Variants in FUT1 observed in about 807,000 individuals in gnomAD.
FUT1 encodes galactoside alpha-(1,2)-fucosyltransferase 1.
For missense variants in FUT1, 476 were observed against 492.7 expected (o/e 0.97, Z 0.32); for synonymous variants, 215 against 208.7 (o/e 1.03, Z -0.26).
chr19:48,748,812 T>A lies in FUT1; in HGVS notation c.*1372A>T, dbSNP rs1367805484. On this transcript the variant is annotated 3_prime_UTR_variant, in exon 2 of 2. Transcript: ENST00000645652. ...TTTTCCATCTCAATTTTTCCAGCAA[T>A]GGTGGAACATTCATTAGATGCTACA... The A allele has an allele frequency of 6.6e-6, 1 of 152,072 alleles. No homozygotes were observed. The highest frequency in any genetic ancestry group is 1.5e-5 in the Non-Finnish European group (1 of 68,004). The allele number at this position is 152,072 out of a possible 1,614,324, so 9.4% of individuals were successfully genotyped here.
intron 1 of FUT1, among the ~76,000 whole-genome samples, chr19:48,751,909 C>A (rs1478007439): frequency 6.6e-6 from 1 of 151,702 alleles, no homozygotes; most frequent in Non-Finnish European, 1.5e-5. Context: ...TGAGATCATG[C>A]CATTACACTC....
At chr19:48,751,685 C>T (rs910604959) in intron 1 of FUT1, among the ~76,000 whole-genome samples, 2 of 151,992 alleles carry the variant, frequency 1.3e-5, no homozygotes, top group East Asian at 2.0e-4. Context: ...GGCGCGGTGG[C>T]TCACACCTGT....
At chr19:48,754,062 T>C (rs1405129463), upstream of FUT1, among the ~76,000 whole-genome samples, 1 of 151,620 alleles carries the variant, frequency 6.6e-6, no homozygotes, top group African/African-American at 2.4e-5. Flanking sequence ...GGAGGGCGCC[T>C]GTAGTCCTAG....
Position 48,749,333 on chromosome 19 carries a change from G to A in FUT1, c.*851C>T, listed in dbSNP as rs2033958856. 6.7e-6 allele frequency: 1 copy of A among 149,772 alleles called. No individual in the cohort carries two copies. The highest frequency in any genetic ancestry group is 2.1e-4 in the South Asian group (1 of 4,712). The allele number at this position is 149,772 out of a possible 1,614,324, so 9.3% of individuals were successfully genotyped here. On this transcript the variant is annotated 3_prime_UTR_variant, in exon 2 of 2. Transcript: ENST00000645652. Reference sequence around the variant, plus strand: ...ATAAATAATTAAAAAAAAAATATCCGGGCTGGGCACAGTGGCTCATGCCAG... The same window carrying A: ...ATAAATAATTAAAAAAAAAATATCCAGGCTGGGCACAGTGGCTCATGCCAG...
In FUT1 at chr19:48,750,434, C is replaced by G. The variant is rs1385070623; in HGVS notation, c.848G>C (p.Gly283Ala). 6.2e-7 allele frequency: 1 copy of G among 1,614,268 alleles called. No individual in the cohort carries two copies. Among genetic ancestry groups the G allele is most frequent in the South Asian group, 1.1e-5 (1 of 91,090 alleles). The change falls in exon 2 of 2, where the codon GGC becomes GCC. Residue 283 changes from glycine (G) to alanine (A), a missense_variant. Physicochemically the swap from Gly to Ala is moderately conservative, Grantham distance 60 (BLOSUM62 0). Transcript: ENST00000645652. ...DTSQGDVTFA[G>A]DGQEATPWKD... ...CCACGGTGTAGCCTCCTGTCCATCG[C>G]CAGCAAACGTCACATCGCCCTGGGA...
chr19:48,750,988 C>A lies in FUT1; in HGVS notation c.294G>T (p.Thr98=). Residue 98 remains threonine, a synonymous_variant, in exon 2 of 2, where the codon ACG becomes ACT. Transcript: ENST00000645652. ...CGTTGAGCTGGGCCAGAGCCAGCAG[C>A]GTGGCATACTGTCCCATCTGATTAC... ...RFGNQMGQYA[T]LLALAQLNGR... 1 of 1,595,658 alleles carries A rather than the reference C, an allele frequency of 6.3e-7. No individual in the cohort carries two copies. Among genetic ancestry groups the A allele is most frequent in the South Asian group, 1.1e-5 (1 of 87,852 alleles).
At chr19:48,755,104 AG>A (rs1568492493), upstream of FUT1, among the ~76,000 whole-genome samples, 1 of 120,102 alleles carries the variant, frequency 8.3e-6, no homozygotes, top group Non-Finnish European at 1.8e-5. Context: ...CCAGGAGTCC[AG>A]ACCAAAGCTC....
At chr19:48,754,120 A>G (rs2034049785), upstream of FUT1, among the ~76,000 whole-genome samples, 1 of 149,628 alleles carries the variant, frequency 6.7e-6, no homozygotes, top group South Asian at 2.1e-4. Flanking sequence ...CAGGAGGCGG[A>G]GATTGCAGTG....
Position 48,750,215 on chromosome 19 carries a change from A to G in FUT1, c.1067T>C (p.Leu356Ser), listed in dbSNP as rs759112153. The G allele has an allele frequency of 2.5e-6, 4 of 1,611,518 alleles. No individual in the cohort carries two copies. The highest frequency in any genetic ancestry group is 3.4e-6 in the Non-Finnish European group (4 of 1,178,878). The change falls in exon 2 of 2, where the codon TTG becomes TCG. Residue 356 changes from leucine (L) to serine (S), a missense_variant. Leu to Ser is a moderately radical substitution (Grantham distance 145). Transcript: ENST00000645652. Reference protein sequence around the residue: ...LPEWVGINADLSPLWTLAKP With the variant: ...LPEWVGINADSSPLWTLAKP ...CTTAGCCAATGTCCAGAGTGGAGACAAGTCTGCATTAATGCCCACCCACTC... is the reference window on the plus strand; with the variant it reads ...CTTAGCCAATGTCCAGAGTGGAGACGAGTCTGCATTAATGCCCACCCACTC...
In FUT1 at chr19:48,750,591, G is replaced by T; in HGVS notation, c.691C>A (p.Arg231Ser). 6.2e-7 allele frequency: 1 copy of T among 1,611,220 alleles called. No homozygotes were observed. The highest frequency in any genetic ancestry group is 8.5e-7 in the Non-Finnish European group (1 of 1,180,004). The change falls in exon 2 of 2, where the codon CGC (arginine) becomes AGC (serine). Residue 231 changes from arginine to serine, a missense_variant. Arg to Ser is a moderately radical substitution (Grantham distance 110). Coordinates refer to ENST00000645652, the MANE Select transcript of FUT1 (RefSeq NM_001384359.1). ...CTGTCGCCCACCACACCCTTCCAGC[G>T]CTGAGGCATAACCTGCAGATAGTCC... ...RGDYLQVMPQRWKGVVGDSAY... is the reference protein window; with the variant it reads ...RGDYLQVMPQSWKGVVGDSAY...
upstream of FUT1, among the ~76,000 whole-genome samples, chr19:48,754,045 G>A (rs541023052): frequency 4.6e-5 from 7 of 151,962 alleles, no homozygotes; most frequent in Non-Finnish European, 8.8e-5. Flanking sequence ...TTATCCGGGC[G>A]CGTGGTGGAG....
At position 48,750,075 on chromosome 19, in the gene FUT1, C is replaced by T; in HGVS notation, c.*109G>A. 1 of 1,301,708 alleles carries T rather than the reference C, an allele frequency of 7.7e-7. No individual in the cohort carries two copies. Among genetic ancestry groups the T allele is most frequent in the Admixed American group, 2.0e-5 (1 of 50,434 alleles). The allele number at this position is 1,301,708 out of a possible 1,614,324, so 80.6% of individuals were successfully genotyped here. A position where few individuals can be genotyped will look rare whatever the true frequency, so the allele number is the denominator to read the frequency against. On this transcript the variant is annotated 3_prime_UTR_variant, in exon 2 of 2. Coordinates refer to ENST00000645652, the MANE Select transcript of FUT1 (RefSeq NM_001384359.1). Reference sequence around the variant, plus strand: ...CTAGAATCACTCTGGATACGGGCACCCATTTGCTTCAGGAACACCACAAGC... The same window carrying T: ...CTAGAATCACTCTGGATACGGGCACTCATTTGCTTCAGGAACACCACAAGC...
upstream of FUT1, chr19:48,752,935 C>T (rs929110703): frequency 1.4e-5 from 14 of 980,264 alleles, no homozygotes; most frequent in Non-Finnish European, 1.6e-5. The surrounding 1 kb of genome is among the most constrained non-coding windows in gnomAD (Gnocchi z 4.3). Context: ...GACCAGGAGA[C>T]GGAGCGCCCA....
chr19:48,754,085 G>C (rs375300173), upstream of FUT1, among the ~76,000 whole-genome samples: 385 of 151,706 alleles, frequency 2.5e-3, no homozygotes, highest in African/African-American at 8.9e-3. Flanking sequence ...ATTTGGGAGG[G>C]TGAGGCAGGA....
chr19:48,754,964 G>T (rs572978562), upstream of FUT1, among the ~76,000 whole-genome samples: 1 of 137,220 alleles, frequency 7.3e-6, no homozygotes. Context: ...CCAGGCTCCC[G>T]GCCCCTCCTT....
At chr19:48,754,607 G>A (rs1335592162), upstream of FUT1, among the ~76,000 whole-genome samples, 1 of 152,130 alleles carries the variant, frequency 6.6e-6, no homozygotes, top group East Asian at 1.9e-4. Flanking sequence ...ATACAACAAA[G>A]AATAAAAGTA....
In FUT1 at chr19:48,750,634, G is replaced by A. The variant is rs771483957; in HGVS notation, c.648C>T (p.Gly216=). 3.7e-6 allele frequency: 6 copies of A among 1,611,816 alleles called. No individual in the cohort carries two copies. The highest frequency in any genetic ancestry group is 1.6e-4 in the Middle Eastern group (1 of 6,084). ...RTGDRPRTFV[G]VHVRRGDYLQ... is the part of the protein sequence containing the mutation. Reference sequence around the variant, plus strand: ...GATAGTCCCCACGGCGCACGTGGACGCCGACAAAGGTGCGCGGGCGGTCCC... The same window carrying A: ...GATAGTCCCCACGGCGCACGTGGACACCGACAAAGGTGCGCGGGCGGTCCC... The change falls in exon 2 of 2, where the codon GGC becomes GGT. Residue 216 remains glycine, a synonymous_variant. Coordinates refer to ENST00000645652, the MANE Select transcript of FUT1 (RefSeq NM_001384359.1).
At chr19:48,753,121 TC>T (rs1222460153), upstream of FUT1, 2 of 162,028 alleles carry the variant, frequency 1.2e-5, no homozygotes, top group Admixed American at 1.3e-4. Context: ...TGCCGCGTCC[TC>T]CTGGGGGATG....
rs930640779 is a variant in FUT1 at position 48,751,351 on chromosome 19, G to C, written c.-2-68C>G. 65 of 1,563,998 alleles carry C rather than the reference G, an allele frequency of 4.2e-5. No homozygotes were observed. In the South Asian group the frequency reaches 7.2e-4, roughly 17 times the overall value. On this transcript the variant is annotated intron_variant, in intron 1 of 1. Transcript: ENST00000645652. ...AGGAGGGGAGGCTGAGGAGGGATGT[G>C]GGGTAAGGGAGGCGCCTGGGGTGCA...
Sources: gnomAD v4.1 joint callset for allele counts (sites outside exome capture counted in the v4.1 genomes callset) on GRCh38, gnomAD v4.1.1 for gene constraint, Gnocchi (gnomAD v3.1) non-coding constraint, MANE v1.5 for transcripts, NCBI Gene and HGNC (gene_info 2026-07-23, HGNC 2026-07-21) for gene names.